Variants in XRN2 observed in about 807,000 individuals in gnomAD.
The protein encoded by XRN2 is 5'-3' exoribonuclease 2, also known as DHM1-like protein.
XRN2 carries 44 observed loss-of-function variants against 138.5 expected under a neutral mutation model. The ratio of observed to expected loss-of-function variants is 0.32; its 90% CI spans 0.25 to 0.41. The LOEUF is 0.41. Ranked by LOEUF, XRN2 falls within the 10% of genes least tolerant of loss-of-function variation. The pLI, the probability that XRN2 is intolerant of heterozygous loss-of-function variation, is 1.00. For synonymous variants in XRN2, 354 were observed against 369.4 expected (o/e 0.96, Z 0.48); for missense variants, 937 against 1,169.3 (o/e 0.80, Z 2.90).
intron 1 of XRN2, among the ~76,000 whole-genome samples, chr20:21,317,943 T>TA (rs1275627423): frequency 1.3e-5 from 2 of 152,168 alleles, no homozygotes; most frequent in African/African-American, 4.8e-5. Flanking sequence ...GTATTGGTCA[T>TA]ATTGGCCCAA....
At chr20:21,303,732 C>G (rs953307046) in intron 1 of XRN2, 2 of 1,229,542 alleles carry the variant, frequency 1.6e-6, no homozygotes, top group African/African-American at 1.6e-5. Flanking sequence ...CGCTCCTCCC[C>G]TACTCGCTTT....
intron 1 of XRN2, among the ~76,000 whole-genome samples, chr20:21,325,479 G>A (rs1466913402): frequency 2.0e-5 from 3 of 152,184 alleles, no homozygotes; most frequent in African/African-American, 7.2e-5. Flanking sequence ...AATTTCTTGG[G>A]AGATATGTAC....
intron 20 of XRN2, among the ~76,000 whole-genome samples, chr20:21,352,470 C>T (rs371551005): frequency 6.6e-6 from 1 of 151,866 alleles, no homozygotes; most frequent in East Asian, 1.9e-4. Flanking sequence ...CTGGGATTAC[C>T]GCCGTGTGCC....
chr20:21,355,704 A>T lies in XRN2; in HGVS notation c.2021-376A>T, dbSNP rs189357561. ...TTAGATCTATCACTATAATTAAAAAATTTTTTTTAAATTGATATGTAATAG... is the reference window on the plus strand; with the variant it reads ...TTAGATCTATCACTATAATTAAAAATTTTTTTTTAAATTGATATGTAATAG... On this transcript the variant is annotated intron_variant, in intron 21 of 29. Coordinates refer to ENST00000377191, the MANE Select transcript of XRN2 (RefSeq NM_012255.5). Among the ~76,000 whole-genome samples, 1,334 of 152,052 alleles carry T rather than the reference A, an allele frequency of 8.8e-3. 6 individuals are homozygous for T. The highest frequency in any genetic ancestry group is 0.014 in the Non-Finnish European group (938 of 67,950).
intron 1 of XRN2, among the ~76,000 whole-genome samples, chr20:21,323,473 T>C (rs1338806155): frequency 6.6e-6 from 1 of 152,224 alleles, no homozygotes; most frequent in Non-Finnish European, 1.5e-5. Flanking sequence ...AGGATCTCTC[T>C]TTAACTGAAC....
intron 16 of XRN2, among the ~76,000 whole-genome samples, chr20:21,344,615 CTCTATTGA>C (rs1415877210): frequency 6.6e-6 from 1 of 152,162 alleles, no homozygotes; most frequent in African/African-American, 2.4e-5. Context: ...CCTTAATCTT[CTCTATTGA>C]AAGAGTTCTT....
At chr20:21,318,968 T>C (rs560813925) in intron 1 of XRN2, among the ~76,000 whole-genome samples, 207 of 152,300 alleles carry the variant, frequency 1.4e-3, no homozygotes, top group Admixed American at 2.3e-3. Context: ...GTTGATCTTC[T>C]GTTTTGTTCT....
At chr20:21,341,637 T>C (rs2038373312) in intron 15 of XRN2, among the ~76,000 whole-genome samples, 1 of 152,166 alleles carries the variant, frequency 6.6e-6, no homozygotes, top group Admixed American at 6.5e-5. Context: ...GATCTAACAG[T>C]AGAGGAAGGA....
intron 27 of XRN2, among the ~76,000 whole-genome samples, chr20:21,373,698 C>T (rs944367224): frequency 1.3e-5 from 2 of 152,136 alleles, no homozygotes; most frequent in Non-Finnish European, 2.9e-5. Context: ...AATATCTCAC[C>T]GAGCTTTTAG....
intron 6 of XRN2, 128 bp from the exon 7 acceptor site, chr20:21,331,433 A>C: frequency 1.4e-6 from 1 of 730,762 alleles, no homozygotes; most frequent in African/African-American, 1.8e-5. Context: ...ACACACACAC[A>C]CACACCCTTA....
chr20:21,345,808 A>G (rs1304816996), intron 16 of XRN2, among the ~76,000 whole-genome samples: 1 of 152,196 alleles, frequency 6.6e-6, no homozygotes, highest in Non-Finnish European at 1.5e-5. Context: ...GTCTCTCTAT[A>G]TATATCTCTA....
chr20:21,344,933 A>G (rs542593795), intron 16 of XRN2, among the ~76,000 whole-genome samples: 5 of 152,332 alleles, frequency 3.3e-5, no homozygotes, highest in Non-Finnish European at 7.4e-5. Flanking sequence ...AAAACGATCT[A>G]TTTCAAAGGT....
intron 6 of XRN2, among the ~76,000 whole-genome samples, chr20:21,331,314 A>G (rs978683161): frequency 6.6e-6 from 1 of 151,900 alleles, no homozygotes; most frequent in African/African-American, 2.4e-5. Context: ...TAGTAAGTCA[A>G]TCAATGAAGT....
In XRN2 at chr20:21,326,548, CTT is replaced by C; in HGVS notation, c.265_266del (p.Phe89GlnfsTer21). On this transcript the variant is annotated frameshift_variant, in exon 3 of 30. Coordinates refer to ENST00000377191, the MANE Select transcript of XRN2 (RefSeq NM_012255.5). LOFTEE classifies it high-confidence loss of function. The part of the protein sequence containing the change: ...MVAIFEYIDR[L>X]FSIVRPRRLL... ...TGCAATTTTTGAGTACATTGACAGACTTTTCAGTATTGTAAGACCAAGAAGAC... is the reference window on the plus strand; with the variant it reads ...TGCAATTTTTGAGTACATTGACAGACTTCAGTATTGTAAGACCAAGAAGAC... 4.3e-6 allele frequency: 7 copies of C among 1,613,968 alleles called. No homozygotes were observed. Among genetic ancestry groups the C allele is most frequent in the Non-Finnish European group, 5.9e-6 (7 of 1,179,950 alleles).
At chr20:21,367,027 A>G (rs997352332) in intron 26 of XRN2, among the ~76,000 whole-genome samples, 1 of 152,174 alleles carries the variant, frequency 6.6e-6, no homozygotes, top group Non-Finnish European at 1.5e-5. Flanking sequence ...TAACCAATAT[A>G]TTGGTGTAGA....
chr20:21,384,955 A>G (rs976493005), intron 28 of XRN2, among the ~76,000 whole-genome samples: 1 of 152,228 alleles, frequency 6.6e-6, no homozygotes, highest in Admixed American at 6.5e-5. Context: ...CCTTTCTGTC[A>G]TAAAAGTCAG....
chr20:21,318,821 G>A (rs1038027786), intron 1 of XRN2, among the ~76,000 whole-genome samples: 1 of 151,760 alleles, frequency 6.6e-6, no homozygotes, highest in Non-Finnish European at 1.5e-5. Flanking sequence ...TGTATACTTT[G>A]TATTATTTCT....
intron 4 of XRN2, 141 bp from the exon 5 acceptor site, chr20:21,330,340 A>G: frequency 1.6e-6 from 1 of 644,804 alleles, no homozygotes; most frequent in Non-Finnish European, 2.6e-6. Flanking sequence ...TTTTCTTCCC[A>G]GTGAGGGAAC....
intron 1 of XRN2, among the ~76,000 whole-genome samples, chr20:21,325,093 A>T (rs2038105848): frequency 1.3e-5 from 2 of 152,190 alleles, no homozygotes. Context: ...GTACTTCATG[A>T]CTGGCTTCTT....
Sources: gnomAD v4.1 joint callset for allele counts (sites outside exome capture counted in the v4.1 genomes callset) on GRCh38, gnomAD v4.1.1 for gene constraint, MANE v1.5 for transcripts, NCBI Gene and HGNC (gene_info 2026-07-23, HGNC 2026-07-21) for gene names.